The following ELK3 variants were observed in gnomAD, a reference collection of about 807,000 sequenced individuals.
The protein encoded by ELK3 is ETS transcription factor ELK3.
A neutral mutation model predicts 28.9 loss-of-function variants in ELK3; 10 were observed. The ratio of observed to expected loss-of-function variants is 0.35; its 90% CI spans 0.21 to 0.59. The LOEUF is 0.59. ELK3 is among the 20% of genes least tolerant of loss of function. ELK3 has a pLI of 0.82. For synonymous variants in ELK3, 272 were observed against 243.5 expected (o/e 1.12, Z -1.09); for missense variants, 463 against 517.3 (o/e 0.90, Z 1.02).
At chr12:96,221,916 G>C (rs2137013481) in intron 1 of ELK3, among the ~76,000 whole-genome samples, 1 of 152,152 alleles carries the variant, frequency 6.6e-6, no homozygotes, top group Admixed American at 6.5e-5. Flanking sequence ...GACAATATTG[G>C]TACAAATAAC....
chr12:96,226,508 A>C (rs201012903), intron 2 of ELK3, among the ~76,000 whole-genome samples: 1 of 47,304 alleles, frequency 2.1e-5, no homozygotes, highest in Non-Finnish European at 3.9e-5. Context: ...ACATGTGCAC[A>C]CCCATGCCCA....
chr12:96,239,895 C>T (rs554982611), intron 2 of ELK3, among the ~76,000 whole-genome samples: 15 of 152,240 alleles, frequency 9.9e-5, no homozygotes, highest in South Asian at 2.1e-4. Flanking sequence ...CACCACCTTT[C>T]GGGGCCTGAC....
intron 4 of ELK3, among the ~76,000 whole-genome samples, chr12:96,264,362 A>G (rs1952014430): frequency 1.3e-5 from 2 of 152,192 alleles, no homozygotes; most frequent in African/African-American, 2.4e-5. Flanking sequence ...ATATAATTAG[A>G]AGACATTTTA....
Position 96,267,532 on chromosome 12 carries a change from CTG to C in ELK3, c.*357_*358del, listed in dbSNP as rs760975937. 1.1e-4 allele frequency: 21 copies of C among 184,894 alleles called. No homozygotes were observed. The highest frequency in any genetic ancestry group is 6.1e-4 in the East Asian group (4 of 6,536). 11.5% of individuals were successfully genotyped at this position (184,894 alleles called of 1,614,324 possible). ...TCTCTTTAGTTCTGAGTATGCTAAA[CTG>C]TGTGCTTATATAGACTATAACCAGT... On this transcript the variant is annotated 3_prime_UTR_variant, in exon 5 of 5. Transcript: ENST00000228741.
At chr12:96,266,453 A>T (rs1952030731) in intron 4 of ELK3, among the ~76,000 whole-genome samples, 1 of 152,164 alleles carries the variant, frequency 6.6e-6, no homozygotes, top group Non-Finnish European at 1.5e-5. Flanking sequence ...CTGTCATCCT[A>T]CTATATTTAT....
chr12:96,195,922 C>G (rs1266383831), intron 1 of ELK3, among the ~76,000 whole-genome samples: 6 of 150,692 alleles, frequency 4.0e-5, no homozygotes, highest in Admixed American at 2.0e-4. Context: ...AGCCCCTGGC[C>G]GGTCTTTAAC....
At chr12:96,223,462 A>G (rs762393926) in intron 1 of ELK3, 103 bp from the exon 2 acceptor site, 251 of 1,056,466 alleles carry the variant, frequency 2.4e-4, no homozygotes, top group Middle Eastern at 9.0e-4. Context: ...CACTGGGGGA[A>G]GGAGGGGACA....
chr12:96,265,443 T>G (rs1952022496), intron 4 of ELK3, among the ~76,000 whole-genome samples: 1 of 152,156 alleles, frequency 6.6e-6, no homozygotes, highest in South Asian at 2.1e-4. Flanking sequence ...CCCAGCACTT[T>G]GGGAGGCTGA....
chr12:96,268,640 C>T lies in ELK3; in HGVS notation c.*1460C>T, dbSNP rs544382750. The T allele has an allele frequency of 2.0e-5, 3 of 152,246 alleles. No individual in the cohort carries two copies. The East Asian group carries it at 5.8e-4, about 29-fold the overall frequency. The allele number at this position is 152,246 out of a possible 1,614,324, so 9.4% of individuals were successfully genotyped here. ...AACTATAAGTGATGATAAAAACTAACTTGAAATGTGACTAAATAACTGATC... is the reference window on the plus strand; with the variant it reads ...AACTATAAGTGATGATAAAAACTAATTTGAAATGTGACTAAATAACTGATC... On this transcript the variant is annotated 3_prime_UTR_variant, in exon 5 of 5. Transcript: ENST00000228741.
chr12:96,207,130 G>A (rs966761023), intron 1 of ELK3, among the ~76,000 whole-genome samples: 2 of 152,186 alleles, frequency 1.3e-5, no homozygotes, highest in Admixed American at 6.5e-5. Context: ...TACAAGTCGG[G>A]TTTGGTTTAA....
chr12:96,254,818 G>T (rs1465545317), intron 3 of ELK3, among the ~76,000 whole-genome samples: 6 of 152,118 alleles, frequency 3.9e-5, no homozygotes, highest in Admixed American at 2.0e-4. Context: ...CCTGGAGGGG[G>T]TGAGACCACT....
intron 2 of ELK3, 110 bp from the exon 3 acceptor site, chr12:96,246,830 A>T: frequency 8.7e-7 from 1 of 1,151,778 alleles, no homozygotes; most frequent in Non-Finnish European, 1.2e-6. Context: ...CCAAGAATGT[A>T]AATCAGGAAC....
At chr12:96,218,311 G>A (rs892113198) in intron 1 of ELK3, among the ~76,000 whole-genome samples, 3 of 152,196 alleles carry the variant, frequency 2.0e-5, no homozygotes, top group Non-Finnish European at 4.4e-5. Flanking sequence ...TCCTGTAAGA[G>A]CAGCAATGCC....
intron 4 of ELK3, among the ~76,000 whole-genome samples, chr12:96,265,693 A>C (rs929720246): frequency 2.0e-5 from 3 of 152,180 alleles, no homozygotes; most frequent in African/African-American, 7.2e-5. Context: ...TAAAATAAAT[A>C]AATAAATGAA....
intron 1 of ELK3, among the ~76,000 whole-genome samples, chr12:96,194,987 C>G (rs1375900192): frequency 6.6e-6 from 1 of 151,350 alleles, no homozygotes; most frequent in East Asian, 2.0e-4. Context: ...GCTCCCCTCC[C>G]TGGGGCTGCG....
chr12:96,259,181 C>CAT, intron 3 of ELK3, among the ~76,000 whole-genome samples: 1 of 152,262 alleles, frequency 6.6e-6, no homozygotes, highest in East Asian at 1.9e-4. Flanking sequence ...TTGAATTTTC[C>CAT]ACCAGAATGT....
At chr12:96,244,453 T>A (rs1290365881) in intron 2 of ELK3, among the ~76,000 whole-genome samples, 1 of 151,978 alleles carries the variant, frequency 6.6e-6, no homozygotes, top group East Asian at 1.9e-4. Context: ...TAGAATTTTT[T>A]TTTTTTTTTT....
At chr12:96,253,869 A>G (rs996140865) in intron 3 of ELK3, among the ~76,000 whole-genome samples, 3 of 152,254 alleles carry the variant, frequency 2.0e-5, no homozygotes, top group Non-Finnish European at 4.4e-5. Context: ...ACCTGGAGAT[A>G]CAGAGGTTAG....
chr12:96,196,303 A>G (rs1188119753), intron 1 of ELK3, among the ~76,000 whole-genome samples: 2 of 151,744 alleles, frequency 1.3e-5, no homozygotes, highest in African/African-American at 2.4e-5. Context: ...CACTTTGGCC[A>G]TTTTGGATTT....
Sources: allele counts gnomAD v4.1 joint callset (sites outside exome capture counted in the v4.1 genomes callset), GRCh38; gene constraint gnomAD v4.1.1; transcripts MANE v1.5; gene names NCBI Gene and HGNC (gene_info 2026-07-23, HGNC 2026-07-21).